The following METTL2B variants were observed in gnomAD, a reference collection of about 807,000 sequenced individuals.
METTL2B encodes the protein tRNA N(3)-cytidine methyltransferase METTL2B.
METTL2B carries 28 observed loss-of-function variants against 51.0 expected under a neutral mutation model. The observed-to-expected ratio is 0.55, with a 90% CI of 0.41 to 0.75. METTL2B has a LOEUF of 0.75. Ranked by LOEUF, METTL2B falls within the 30% of genes least tolerant of loss-of-function variation. The probability of loss-of-function intolerance (pLI) is 0.00; values close to 1 mark genes in which losing one functional copy is unlikely to be tolerated. For missense variants in METTL2B, 313 were observed against 460.7 expected, an observed-to-expected ratio of 0.68 and a Z score of 2.93; for synonymous variants, 128 against 166.3, an observed-to-expected ratio of 0.77 and a Z score of 1.77.
chr7:128,503,608 G>C lies in METTL2B; in HGVS notation c.*1692G>C, dbSNP rs1793070923. On this transcript the variant is annotated 3_prime_UTR_variant, in exon 9 of 9. Coordinates refer to ENST00000262432, the MANE Select transcript of METTL2B (RefSeq NM_018396.3). ...CACCATCATGCCTAGCTAATTGTTA[G>C]ATCCTTTTTTTTTATGTTCTGCATT... 2 of 151,956 alleles carry C rather than the reference G, an allele frequency of 1.3e-5. No individual in the cohort carries two copies. Among genetic ancestry groups the C allele is most frequent in the Admixed American group, 6.6e-5 (1 of 15,230 alleles). 9.4% of individuals were successfully genotyped at this position (151,956 alleles called of 1,614,324 possible).
At chr7:128,497,530 C>G (rs1208698030) in intron 6 of METTL2B, among the ~76,000 whole-genome samples, 1 of 152,124 alleles carries the variant, frequency 6.6e-6, no homozygotes, top group African/African-American at 2.4e-5. Context: ...CCGCCCAGGC[C>G]GGAGGGCAGT....
intron 4 of METTL2B, chr7:128,484,217 C>CTTTTTTTTTTTTGTTTTGTTTTTT (rs1428525341): frequency 1.9e-4 from 8 of 42,412 alleles, no homozygotes; most frequent in African/African-American, 8.0e-4. Context: ...TGCCTAGATC[C>CTTTTTTTTTTTTGTTTTGTTTTTT]TTTTTTTTTT....
At chr7:128,491,264 C>T (rs966167538) in intron 5 of METTL2B, among the ~76,000 whole-genome samples, 1 of 151,792 alleles carries the variant, frequency 6.6e-6, no homozygotes, top group African/African-American at 2.4e-5. Context: ...CAAGACCAGC[C>T]TGGCCAACAT....
chr7:128,497,987 C>T (rs368725468), intron 6 of METTL2B, 49 bp from the exon 7 acceptor site: 5 of 1,594,134 alleles, frequency 3.1e-6, no homozygotes, highest in Non-Finnish European at 4.3e-6. Context: ...GAAAGAGAAC[C>T]CTGTCTTTAA....
intron 4 of METTL2B, among the ~76,000 whole-genome samples, chr7:128,482,739 G>A (rs141357088): frequency 0.011 from 1,722 of 152,090 alleles, 37 homozygotes; most frequent in African/African-American, 0.039. Context: ...TCGCCGTGTC[G>A]GCTAGGCTGG....
chr7:128,485,930 A>G (rs1438781871), intron 4 of METTL2B, among the ~76,000 whole-genome samples: 2 of 152,190 alleles, frequency 1.3e-5, no homozygotes, highest in Admixed American at 6.5e-5. Context: ...CAAATGCTAC[A>G]CCCGACACCA....
intron 7 of METTL2B, among the ~76,000 whole-genome samples, chr7:128,499,517 C>CTTT (rs1297101344): frequency 1.5e-4 from 18 of 119,912 alleles, no homozygotes; most frequent in Admixed American, 2.6e-4. Context: ...TATTAACAGC[C>CTTT]TTTTTTTTTT....
intron 5 of METTL2B, 70 bp downstream of exon 5, chr7:128,488,231 A>G (rs1205233277): frequency 6.6e-6 from 10 of 1,525,522 alleles, no homozygotes; most frequent in Non-Finnish European, 9.0e-6. Flanking sequence ...CCTAAAAATC[A>G]AGGTCTCTGG....
rs201493007 is a variant in METTL2B at position 128,482,485 on chromosome 7, CTG to C, written c.608+1792_608+1793del. Among the ~76,000 whole-genome samples the C allele has an allele frequency of 1.8e-4, 27 of 152,078 alleles. 1 individual carries two copies. The East Asian group carries it at 4.8e-3, about 27-fold the overall frequency. On this transcript the variant is annotated intron_variant, in intron 4 of 8. Coordinates refer to ENST00000262432, the MANE Select transcript of METTL2B (RefSeq NM_018396.3). ...GGAAATTCTTAAGGTTTTTGGAACT[CTG>C]TGCCTGGAACCACAAAGACCAACAC...
intron 7 of METTL2B, among the ~76,000 whole-genome samples, chr7:128,499,702 G>T: frequency 6.7e-6 from 1 of 148,414 alleles, no homozygotes; most frequent in African/African-American, 2.5e-5. Context: ...TGTATTTTTA[G>T]TAGAGACAGG....
chr7:128,480,170 T>C (rs1285517126), intron 3 of METTL2B, among the ~76,000 whole-genome samples: 1 of 152,226 alleles, frequency 6.6e-6, no homozygotes, highest in African/African-American at 2.4e-5. Context: ...AGGATGGAGA[T>C]AATGTATGTA....
intron 2 of METTL2B, among the ~76,000 whole-genome samples, 180 bp downstream of exon 2, chr7:128,477,353 A>G (rs1013760861): frequency 8.5e-5 from 13 of 152,146 alleles, no homozygotes; most frequent in African/African-American, 2.9e-4. Flanking sequence ...CATTGTAACA[A>G]AATCTTAAGT....
At chr7:128,488,731 G>A (rs1235769369) in intron 5 of METTL2B, 4 of 301,146 alleles carry the variant, frequency 1.3e-5, no homozygotes, top group Non-Finnish European at 2.7e-5. Flanking sequence ...GTTTCACCAC[G>A]TTGCCCAGGC....
chr7:128,485,717 G>A (rs1221611781), intron 4 of METTL2B, among the ~76,000 whole-genome samples: 1 of 151,214 alleles, frequency 6.6e-6, no homozygotes, highest in Admixed American at 6.6e-5. Context: ...TGTAGTCTCA[G>A]CTACTTTGGA....
chr7:128,491,181 G>A (rs538354445), intron 5 of METTL2B, among the ~76,000 whole-genome samples: 1 of 145,420 alleles, frequency 6.9e-6, no homozygotes, highest in Admixed American at 7.0e-5. Context: ...AAATGTGTCT[G>A]TTACAATTGG....
At chr7:128,488,731 G>C in intron 5 of METTL2B, 1 of 301,264 alleles carries the variant, frequency 3.3e-6, no homozygotes, top group Admixed American at 4.1e-5. Context: ...GTTTCACCAC[G>C]TTGCCCAGGC....
At chr7:128,477,195 T>C (rs1584787400) in intron 2 of METTL2B, 22 bp downstream of exon 2, 4 of 1,613,580 alleles carry the variant, frequency 2.5e-6, no homozygotes, top group Non-Finnish European at 3.4e-6. Flanking sequence ...TGGGCTCTCG[T>C]TGGTATCAAC....
chr7:128,484,217 C>CTTTTTTTTTTTTGTTTTG lies in METTL2B; in HGVS notation c.608+3533_608+3534insGTTTTGTTTTTTTTTTTT, dbSNP rs1428525341. 3.4e-3 allele frequency: 143 copies of CTTTTTTTTTTTTGTTTTG among 42,398 alleles called. 3 individuals are homozygous for CTTTTTTTTTTTTGTTTTG. Among genetic ancestry groups the CTTTTTTTTTTTTGTTTTG allele is most frequent in the African/African-American group, 0.013 (128 of 10,022 alleles). 2.6% of individuals were successfully genotyped at this position (42,398 alleles called of 1,614,324 possible). On this transcript the variant is annotated intron_variant, in intron 4 of 8. Coordinates refer to ENST00000262432, the MANE Select transcript of METTL2B (RefSeq NM_018396.3). ...CTTGAGTTACCCTATTGCCTAGATC[C>CTTTTTTTTTTTTGTTTTG]TTTTTTTTTTTTTTTTTTTTTTTTT...
At chr7:128,497,194 G>T (rs1320336048) in intron 6 of METTL2B, among the ~76,000 whole-genome samples, 2 of 152,142 alleles carry the variant, frequency 1.3e-5, no homozygotes, top group Non-Finnish European at 2.9e-5. Context: ...CACTGCATAT[G>T]GAAAGCGCAG....
Sources: allele counts gnomAD v4.1 joint callset (sites outside exome capture counted in the v4.1 genomes callset), GRCh38; gene constraint gnomAD v4.1.1; transcripts MANE v1.5; gene names NCBI Gene and HGNC (gene_info 2026-07-23, HGNC 2026-07-21).